Variants in TMEM163 observed in about 807,000 individuals in gnomAD.
TMEM163 encodes the protein transmembrane protein 163.
In TMEM163, 17 loss-of-function variants were observed where a neutral mutation model predicts 29.3. The observed-to-expected ratio is 0.58, with a 90% CI of 0.40 to 0.87. TMEM163 has a LOEUF of 0.87. Ranked by LOEUF, TMEM163 falls within the 40% of genes least tolerant of loss-of-function variation. The pLI is 0.00. For synonymous variants in TMEM163, 157 were observed against 160.6 expected, an observed-to-expected ratio of 0.98 and a Z score of 0.17; for missense variants, 303 against 381.5, an observed-to-expected ratio of 0.79 and a Z score of 1.71.
In TMEM163 at chr2:134,564,051, G is replaced by A. The variant is rs749092348; in HGVS notation, c.323-11960C>T. Reference sequence around the variant, plus strand: ...GGGTGACAGAGCGAGACTCCACTGCGGCAGCAGTGGCGGTGGCAGGGTGGG... The same window carrying A: ...GGGTGACAGAGCGAGACTCCACTGCAGCAGCAGTGGCGGTGGCAGGGTGGG... On this transcript the variant is annotated intron_variant, in intron 2 of 7. Coordinates refer to ENST00000281924, the MANE Select transcript of TMEM163 (RefSeq NM_030923.5). Among the ~76,000 whole-genome samples, 103 of 152,022 alleles carry A rather than the reference G, an allele frequency of 6.8e-4. 2 individuals carry two copies. The highest frequency in any genetic ancestry group is 1.3e-3 in the Non-Finnish European group (86 of 67,994).
chr2:134,550,826 G>A (rs552112846), intron 3 of TMEM163, among the ~76,000 whole-genome samples, 165 bp from the exon 4 acceptor site: 1 of 152,312 alleles, frequency 6.6e-6, no homozygotes, highest in East Asian at 1.9e-4. Context: ...TCATGCCTGG[G>A]GCGTCTGGAG....
At chr2:134,591,063 A>G (rs1298281829) in intron 2 of TMEM163, among the ~76,000 whole-genome samples, 2 of 152,228 alleles carry the variant, frequency 1.3e-5, no homozygotes, top group Admixed American at 6.5e-5. Context: ...CTACATGTAC[A>G]TTAGAAGGAT....
intron 2 of TMEM163, among the ~76,000 whole-genome samples, chr2:134,562,087 G>T (rs1292920531): frequency 6.6e-6 from 1 of 152,172 alleles, no homozygotes; most frequent in East Asian, 1.9e-4. Flanking sequence ...TACCTGTGAG[G>T]TTGCTGGGAG....
intron 2 of TMEM163, among the ~76,000 whole-genome samples, chr2:134,643,844 T>C (rs1683272324): frequency 1.3e-5 from 2 of 151,986 alleles, no homozygotes; most frequent in African/African-American, 2.4e-5. Context: ...GCAGATGATA[T>C]GATTTTCTAA....
At chr2:134,676,518 A>T (rs2104871405) in intron 2 of TMEM163, among the ~76,000 whole-genome samples, 1 of 152,308 alleles carries the variant, frequency 6.6e-6, no homozygotes, top group East Asian at 1.9e-4. Context: ...TATGAACCAT[A>T]CAATTCACTG....
chr2:134,485,581 T>G (rs1394618387), intron 5 of TMEM163, among the ~76,000 whole-genome samples: 1 of 152,160 alleles, frequency 6.6e-6, no homozygotes, highest in African/African-American at 2.4e-5. Context: ...AGGCACAATT[T>G]CTTCTTCCTC....
chr2:134,624,505 A>G (rs1379271463), intron 2 of TMEM163, among the ~76,000 whole-genome samples: 1 of 152,194 alleles, frequency 6.6e-6, no homozygotes, highest in Non-Finnish European at 1.5e-5. Flanking sequence ...AATGAGTACT[A>G]GGCTTAATAC....
chr2:134,680,633 T>G (rs186974175), intron 2 of TMEM163, among the ~76,000 whole-genome samples: 2 of 152,246 alleles, frequency 1.3e-5, no homozygotes, highest in Admixed American at 1.3e-4. Context: ...TCAGTTCTTC[T>G]GACAGCTACT....
At chr2:134,654,638 A>T in intron 2 of TMEM163, among the ~76,000 whole-genome samples, 2 of 105,732 alleles carry the variant, frequency 1.9e-5, no homozygotes, top group Non-Finnish European at 3.6e-5. Flanking sequence ...GTTTCTTCCT[A>T]GTCTCGATGG....
chr2:134,518,891 A>G lies in TMEM163; in HGVS notation c.459-15894T>C, dbSNP rs573760788. On this transcript the variant is annotated intron_variant, in intron 4 of 7. Transcript: ENST00000281924. ...GTTCCAGGAAGAACTTACAGCAGAG[A>G]CAGTTATAGTATATTATACTGTCAA... Among the ~76,000 whole-genome samples, 4 of 152,310 alleles carry G rather than the reference A, an allele frequency of 2.6e-5. No individual in the cohort carries two copies. In the South Asian group the frequency reaches 8.3e-4, roughly 32 times the overall value.
At chr2:134,706,474 A>G (rs1005926295) in intron 2 of TMEM163, among the ~76,000 whole-genome samples, 1 of 152,182 alleles carries the variant, frequency 6.6e-6, no homozygotes, top group African/African-American at 2.4e-5. Flanking sequence ...GCCGAAAGCA[A>G]TAACACAATG....
chr2:134,666,122 T>C (rs1309864048), intron 2 of TMEM163, among the ~76,000 whole-genome samples: 1 of 152,072 alleles, frequency 6.6e-6, no homozygotes, highest in Non-Finnish European at 1.5e-5. Flanking sequence ...TCCTCTACAC[T>C]GCACTGCACA....
chr2:134,683,679 C>G (rs989403588), intron 2 of TMEM163, among the ~76,000 whole-genome samples: 4 of 152,198 alleles, frequency 2.6e-5, no homozygotes, highest in African/African-American at 9.6e-5. Context: ...CTGTCTCCAC[C>G]ACAGACCCTG....
chr2:134,470,436 T>C (rs1460154598), intron 5 of TMEM163, among the ~76,000 whole-genome samples: 1 of 151,672 alleles, frequency 6.6e-6, no homozygotes, highest in Non-Finnish European at 1.5e-5. Context: ...TATATTAGTA[T>C]TGGGAAGCTA....
At chr2:134,521,115 C>T (rs578057740) in intron 4 of TMEM163, among the ~76,000 whole-genome samples, 1 of 152,248 alleles carries the variant, frequency 6.6e-6, no homozygotes, top group East Asian at 1.9e-4. Flanking sequence ...TCTCCTGCCT[C>T]AGCCTCCTGA....
chr2:134,544,752 CCCACTGCA>C (rs544900046), intron 4 of TMEM163, among the ~76,000 whole-genome samples: 225 of 152,168 alleles, frequency 1.5e-3, no homozygotes, highest in African/African-American at 5.3e-3. Flanking sequence ...CTGAGATCAT[CCCACTGCA>C]CTCCAGCCTG....
At chr2:134,629,209 A>C (rs1374018713) in intron 2 of TMEM163, among the ~76,000 whole-genome samples, 1 of 152,226 alleles carries the variant, frequency 6.6e-6, no homozygotes, top group Non-Finnish European at 1.5e-5. Flanking sequence ...CCAAGATCAT[A>C]TAGGCAGGTT....
chr2:134,717,531 A>T (rs1001848213), intron 1 of TMEM163, among the ~76,000 whole-genome samples: 3 of 152,348 alleles, frequency 2.0e-5, no homozygotes, highest in Admixed American at 1.3e-4. Flanking sequence ...GGAGAAAGAG[A>T]TCGTGCATCC....
At chr2:134,646,534 TC>T (rs1683341890) in intron 2 of TMEM163, among the ~76,000 whole-genome samples, 1 of 151,972 alleles carries the variant, frequency 6.6e-6, no homozygotes, top group Non-Finnish European at 1.5e-5. Context: ...AACCTCCACC[TC>T]CCAGGTTCAG....
Sources: gnomAD v4.1 joint callset for allele counts (sites outside exome capture counted in the v4.1 genomes callset) on GRCh38, gnomAD v4.1.1 for gene constraint, MANE v1.5 for transcripts, NCBI Gene and HGNC (gene_info 2026-07-23, HGNC 2026-07-21) for gene names.